RORA: variants seen among roughly 807,000 people sequenced by gnomAD.
RORA encodes RAR related orphan receptor A.
In RORA, 7 loss-of-function variants were observed where a neutral mutation model predicts 69.5. The ratio of observed to expected loss-of-function variants is 0.10; its 90% confidence interval spans 0.06 to 0.19. The LOEUF (loss-of-function observed/expected upper bound fraction) is 0.19. RORA is among the 10% of genes least tolerant of loss of function. RORA has a pLI of 1.00. For synonymous variants in RORA, 261 were observed against 240.8 expected (o/e 1.08, Z -0.78); for missense variants, 457 against 663.0 (o/e 0.69, Z 3.41).
intron 1 of RORA, among the ~76,000 whole-genome samples, chr15:60,824,746 T>C (rs910351639): frequency 4.6e-5 from 7 of 152,218 alleles, no homozygotes; most frequent in African/African-American, 1.7e-4. Context: ...AGAAATGCTA[T>C]AGAAGAGTTA....
At chr15:60,695,743 C>A (rs1478066371) in intron 1 of RORA, among the ~76,000 whole-genome samples, 1 of 152,084 alleles carries the variant, frequency 6.6e-6, no homozygotes, top group Admixed American at 6.5e-5. Context: ...CCCACGTCCC[C>A]ACAGCTATGC....
chr15:61,097,490 G>T (rs1404570119), intron 1 of RORA, among the ~76,000 whole-genome samples: 1 of 151,892 alleles, frequency 6.6e-6, no homozygotes, highest in Non-Finnish European at 1.5e-5. Flanking sequence ...AGGACTTTCT[G>T]CTTGTCATCT....
At chr15:61,158,166 T>C (rs1199098507) in intron 1 of RORA, among the ~76,000 whole-genome samples, 1 of 152,180 alleles carries the variant, frequency 6.6e-6, no homozygotes, top group Non-Finnish European at 1.5e-5. Flanking sequence ...CCACAGAGTG[T>C]GGGATGAGCA....
intron 1 of RORA, among the ~76,000 whole-genome samples, chr15:60,853,344 A>C (rs988287808): frequency 2.6e-5 from 4 of 152,172 alleles, no homozygotes; most frequent in African/African-American, 7.2e-5. Flanking sequence ...TCTGACACCA[A>C]AATTAGTGAT....
intron 1 of RORA, among the ~76,000 whole-genome samples, chr15:60,917,724 T>C (rs1323990932): frequency 6.6e-6 from 1 of 152,234 alleles, no homozygotes; most frequent in African/African-American, 2.4e-5. Flanking sequence ...GCTGAGAATA[T>C]AATCTCTCAG....
chr15:60,863,012 CT>C (rs1357040506), intron 1 of RORA, among the ~76,000 whole-genome samples: 2 of 152,212 alleles, frequency 1.3e-5, no homozygotes, highest in African/African-American at 4.8e-5. Flanking sequence ...AAGACTGAGT[CT>C]TGCTATATCT....
chr15:60,842,668 G>C (rs1029163434), intron 1 of RORA, among the ~76,000 whole-genome samples: 2 of 152,090 alleles, frequency 1.3e-5, no homozygotes, highest in African/African-American at 4.8e-5. Context: ...CTACCTGAAC[G>C]GATGCCCTGT....
At chr15:60,878,956 A>G (rs1316359574) in intron 1 of RORA, among the ~76,000 whole-genome samples, 1 of 152,056 alleles carries the variant, frequency 6.6e-6, no homozygotes, top group Non-Finnish European at 1.5e-5. Context: ...TCAAGTCCCA[A>G]CTCAGCCACT....
intron 1 of RORA, among the ~76,000 whole-genome samples, chr15:60,785,178 T>C (rs1229133848): frequency 2.0e-4 from 30 of 152,234 alleles, no homozygotes; most frequent in Admixed American, 1.6e-3. Context: ...TCTGTGAACA[T>C]AGGAATTTTT....
chr15:60,667,798 T>G (rs938131560), intron 2 of RORA, among the ~76,000 whole-genome samples: 7 of 152,034 alleles, frequency 4.6e-5, no homozygotes, highest in Non-Finnish European at 1.0e-4. Flanking sequence ...TTTCTTTTTA[T>G]TTTTTGGTGG....
intron 1 of RORA, among the ~76,000 whole-genome samples, chr15:60,859,148 C>G (rs2140422885): frequency 6.6e-6 from 1 of 152,282 alleles, no homozygotes; most frequent in East Asian, 1.9e-4. Flanking sequence ...CTGCTCACCT[C>G]TAAGACCCAG....
intron 1 of RORA, among the ~76,000 whole-genome samples, chr15:61,074,506 G>A (rs2078418281): frequency 6.6e-6 from 1 of 152,156 alleles, no homozygotes; most frequent in African/African-American, 2.4e-5. Flanking sequence ...CTAAGCCACA[G>A]GCAGTATATC....
intron 1 of RORA, among the ~76,000 whole-genome samples, chr15:60,983,475 T>C (rs932118820): frequency 1.3e-5 from 2 of 152,230 alleles, no homozygotes; most frequent in South Asian, 2.1e-4. Flanking sequence ...AGTTTTTTCC[T>C]GATCTGGGAG....
chr15:60,865,675 A>G (rs1167453096), intron 1 of RORA, among the ~76,000 whole-genome samples: 7 of 152,134 alleles, frequency 4.6e-5, no homozygotes, highest in Admixed American at 2.6e-4. Context: ...ATCTTTTCTC[A>G]ATGCTTGTTC....
At chr15:61,082,531 T>C (rs2078560198) in intron 1 of RORA, among the ~76,000 whole-genome samples, 1 of 152,140 alleles carries the variant, frequency 6.6e-6, no homozygotes, top group Non-Finnish European at 1.5e-5. Context: ...TAATACAGTA[T>C]TTGCAGGATG....
At chr15:60,573,266 C>G (rs1202543828) in intron 2 of RORA, among the ~76,000 whole-genome samples, 1 of 152,190 alleles carries the variant, frequency 6.6e-6, no homozygotes, top group Non-Finnish European at 1.5e-5. Context: ...TTAGCGACAT[C>G]ATAATGAAGT....
intron 1 of RORA, chr15:60,764,836 T>C (rs902926932): frequency 6.6e-6 from 1 of 152,190 alleles, no homozygotes; most frequent in Admixed American, 6.5e-5. Context: ...TCGTGCCCCT[T>C]TACCACATTG....
rs780407352 is a variant in RORA at position 60,878,482 on chromosome 15, CAGA to C, written c.167-199799_167-199797del. On this transcript the variant is annotated intron_variant, in intron 1 of 10. Coordinates refer to ENST00000335670, the MANE Select transcript of RORA (RefSeq NM_134261.3). ...TACCCAGTTGGTGGCTGGTGTGACT[CAGA>C]AGGAGGGAAAATCATGGCTCAGAAA... Among the ~76,000 whole-genome samples, 11 of 152,172 alleles carry C rather than the reference CAGA, an allele frequency of 7.2e-5. No individual in the cohort carries two copies. In the East Asian group the frequency reaches 2.1e-3, roughly 29 times the overall value.
chr15:60,723,971 G>A (rs1320132940), intron 1 of RORA, among the ~76,000 whole-genome samples: 2 of 152,194 alleles, frequency 1.3e-5, no homozygotes, highest in African/African-American at 2.4e-5. Flanking sequence ...GAAACTAAGT[G>A]CTTGAGGTAA....
Sources: allele counts gnomAD v4.1 joint callset (sites outside exome capture counted in the v4.1 genomes callset), GRCh38; gene constraint gnomAD v4.1.1; transcripts MANE v1.5; gene names NCBI Gene and HGNC (gene_info 2026-07-23, HGNC 2026-07-21).